Variants in AGTPBP1 observed in about 807,000 individuals in gnomAD.
AGTPBP1 encodes cytosolic carboxypeptidase 1.
A neutral mutation model predicts 143.9 loss-of-function variants in AGTPBP1; 70 were observed. The ratio of observed to expected loss-of-function variants is 0.49; its 90% CI spans 0.40 to 0.59. AGTPBP1 has a LOEUF of 0.59. AGTPBP1 is among the 20% of genes least tolerant of loss of function. AGTPBP1 has a pLI of 0.00. For synonymous variants in AGTPBP1, 463 were observed against 500.2 expected (o/e 0.93, Z 0.99); for missense variants, 1,229 against 1,464.5 (o/e 0.84, Z 2.62).
intron 8 of AGTPBP1, among the ~76,000 whole-genome samples, chr9:85,662,012 A>G (rs1833880284): frequency 6.6e-6 from 1 of 152,194 alleles, no homozygotes; most frequent in East Asian, 1.9e-4. Context: ...ATAATGTAAT[A>G]AAAGAGCACA....
At chr9:85,802,880 C>T in the AGTPBP1 span, among the ~76,000 whole-genome samples, 15 of 152,308 alleles carry the variant, frequency 9.8e-5, no homozygotes, top group Middle Eastern at 3.4e-3. Flanking sequence ...TCAAAGTAAA[C>T]GCCTTGGCCT....
At chr9:85,800,842 T>TGTAA in the AGTPBP1 span, among the ~76,000 whole-genome samples, 4 of 148,316 alleles carry the variant, frequency 2.7e-5, no homozygotes, top group Admixed American at 1.3e-4. Context: ...TGTGTGTGTG[T>TGTAA]AACGTGTCTT....
chr9:85,616,733 T>C (rs1443656201), intron 17 of AGTPBP1, among the ~76,000 whole-genome samples: 2 of 151,994 alleles, frequency 1.3e-5, no homozygotes, highest in Non-Finnish European at 2.9e-5. Context: ...TATTTTAATA[T>C]ACTTTGAATG....
At chr9:85,599,940 A>G (rs868822029) in intron 17 of AGTPBP1, among the ~76,000 whole-genome samples, 1 of 152,202 alleles carries the variant, frequency 6.6e-6, no homozygotes, top group South Asian at 2.1e-4. Context: ...CAACTTCACC[A>G]CATACCAGAT....
intron 23 of AGTPBP1, among the ~76,000 whole-genome samples, chr9:85,580,389 T>C (rs1420980751): frequency 1.3e-5 from 2 of 152,072 alleles, no homozygotes; most frequent in East Asian, 1.9e-4. Flanking sequence ...TTTTTTTTCA[T>C]TCTAAAGTTT....
intron 17 of AGTPBP1, 67 bp from the exon 18 acceptor site, chr9:85,596,516 CT>C: frequency 9.1e-7 from 1 of 1,100,908 alleles, no homozygotes; most frequent in Non-Finnish European, 1.3e-6. Flanking sequence ...TTAATCTTGC[CT>C]TTGTAGAAAG....
chr9:85,698,741 G>A (rs1022520636), intron 2 of AGTPBP1, among the ~76,000 whole-genome samples: 2 of 130,182 alleles, frequency 1.5e-5, no homozygotes, highest in Non-Finnish European at 3.1e-5. Flanking sequence ...CGCCCAGGCT[G>A]GAGTGCAGTG....
At chr9:85,547,313 A>G (rs1825789632) in intron 25 of AGTPBP1, 27 bp from the exon 26 acceptor site, 1 of 1,573,484 alleles carries the variant, frequency 6.4e-7, no homozygotes, top group Non-Finnish European at 8.6e-7. Flanking sequence ...CAGAACATAC[A>G]AGACTTTGTG....
chr9:85,569,866 A>T (rs1018591056), intron 25 of AGTPBP1, among the ~76,000 whole-genome samples: 1 of 152,218 alleles, frequency 6.6e-6, no homozygotes, highest in African/African-American at 2.4e-5. Flanking sequence ...ACTTAAAGAC[A>T]TATACAATTA....
intron 8 of AGTPBP1, 37 bp downstream of exon 8, chr9:85,669,448 G>A (rs1446980837): frequency 7.3e-7 from 1 of 1,375,114 alleles, no homozygotes; most frequent in East Asian, 2.3e-5. Context: ...GAGTAACAAA[G>A]GCTATACCTA....
chr9:85,666,731 A>G (rs10481765), intron 8 of AGTPBP1, among the ~76,000 whole-genome samples: 2,022 of 152,156 alleles, frequency 0.013, 51 homozygotes, highest in African/African-American at 0.046. Context: ...CAACTTGGTT[A>G]TAATAGAGCA....
intron 11 of AGTPBP1, among the ~76,000 whole-genome samples, chr9:85,646,798 C>T (rs1832838469): frequency 6.6e-6 from 1 of 152,120 alleles, no homozygotes; most frequent in Non-Finnish European, 1.5e-5. Context: ...ACATACTGTG[C>T]TATATGCTGG....
At chr9:85,652,571 C>CT (rs1833235145) in intron 11 of AGTPBP1, among the ~76,000 whole-genome samples, 1 of 152,104 alleles carries the variant, frequency 6.6e-6, no homozygotes, top group Non-Finnish European at 1.5e-5. Flanking sequence ...CATCATGGTG[C>CT]TGGGAGGGTG....
At chr9:85,681,202 C>A in intron 4 of AGTPBP1, 66 bp downstream of exon 4, 2 of 1,410,920 alleles carry the variant, frequency 1.4e-6, no homozygotes, top group Non-Finnish European at 1.0e-6. Context: ...CACACACATA[C>A]GCTTTTTCTT....
At chr9:85,659,029 T>C (rs557960823) in intron 9 of AGTPBP1, among the ~76,000 whole-genome samples, 3 of 152,328 alleles carry the variant, frequency 2.0e-5, no homozygotes, top group Admixed American at 1.3e-4. Flanking sequence ...TAATTCCTAT[T>C]ACAAACCTTG....
chr9:85,790,175 G>A, the AGTPBP1 span, among the ~76,000 whole-genome samples: 1 of 152,120 alleles, frequency 6.6e-6, no homozygotes, highest in African/African-American at 2.4e-5. Context: ...AAATAAAGGC[G>A]AGAGTGAGAT....
At chr9:85,735,575 AT>A (rs535995442) in intron 1 of AGTPBP1, among the ~76,000 whole-genome samples, 48 of 152,282 alleles carry the variant, frequency 3.2e-4, no homozygotes, top group East Asian at 2.9e-3. Context: ...TAAAATAAAT[AT>A]TTTTTTAAAG....
At chr9:85,698,639 A>G (rs1372883416) in intron 2 of AGTPBP1, among the ~76,000 whole-genome samples, 1 of 151,634 alleles carries the variant, frequency 6.6e-6, no homozygotes, top group African/African-American at 2.4e-5. Context: ...ATGTTAAATA[A>G]AGACACTTAG....
intron 2 of AGTPBP1, among the ~76,000 whole-genome samples, chr9:85,710,447 G>T (rs1425129855): frequency 6.6e-6 from 1 of 151,842 alleles, no homozygotes. Flanking sequence ...ACAAAGCCTG[G>T]AAGTATTATT....
Sources: allele counts gnomAD v4.1 joint callset (sites outside exome capture counted in the v4.1 genomes callset), GRCh38; gene constraint gnomAD v4.1.1; transcripts MANE v1.5; gene names NCBI Gene and HGNC (gene_info 2026-07-23, HGNC 2026-07-21).